Variants in SPAG16 observed in about 807,000 individuals in gnomAD.
SPAG16 encodes sperm-associated antigen 16 protein.
In SPAG16, 86 loss-of-function variants were observed where a neutral mutation model predicts 80.4. The observed-to-expected ratio is 1.07, with a 90% CI of 0.90 to 1.28. SPAG16 has a LOEUF of 1.28. SPAG16 is among the 50% of genes most tolerant of loss of function. SPAG16 has a pLI of 0.00. For missense variants in SPAG16, 870 were observed against 765.3 expected (o/e 1.14, Z -1.61); for synonymous variants, 294 against 265.9 (o/e 1.11, Z -1.03).
intron 13 of SPAG16, among the ~76,000 whole-genome samples, chr2:214,045,651 C>T (rs1052194083): frequency 6.6e-6 from 1 of 152,058 alleles, no homozygotes; most frequent in Admixed American, 6.6e-5. Context: ...TTAAAATTTT[C>T]TTGAAACAAA....
intron 12 of SPAG16, among the ~76,000 whole-genome samples, chr2:213,970,791 G>A (rs2045004051): frequency 6.6e-6 from 1 of 152,016 alleles, no homozygotes; most frequent in Non-Finnish European, 1.5e-5. Flanking sequence ...CATAAAGAGT[G>A]AATGCAAAAT....
chr2:213,384,475 G>A (rs988727178), intron 9 of SPAG16, among the ~76,000 whole-genome samples: 1 of 152,166 alleles, frequency 6.6e-6, no homozygotes, highest in African/African-American at 2.4e-5. Context: ...ATCTAAGATG[G>A]TGGAGGGTGA....
At position 214,219,596 on chromosome 2, in the gene SPAG16, A is replaced by C. The variant is rs529334014; in HGVS notation, c.1720+70330A>C. Among the ~76,000 whole-genome samples, 4 of 152,288 alleles carry C rather than the reference A, an allele frequency of 2.6e-5. No homozygotes were observed. In the South Asian group the frequency reaches 8.3e-4, roughly 32 times the overall value. ...CAAGAAGAAGAAACAAAACAAGATAATTTATTGAGTACCTGCTCTGTGCCA... is the reference window on the plus strand; with the variant it reads ...CAAGAAGAAGAAACAAAACAAGATACTTTATTGAGTACCTGCTCTGTGCCA... On this transcript the variant is annotated intron_variant, in intron 15 of 15. Transcript: ENST00000331683.
chr2:213,406,791 C>G (rs532860991), intron 9 of SPAG16, among the ~76,000 whole-genome samples: 2 of 152,166 alleles, frequency 1.3e-5, no homozygotes, highest in South Asian at 2.1e-4. Flanking sequence ...AATTTGGGGT[C>G]TCTCCCGGGA....
chr2:213,330,076 C>A (rs1253580450), intron 5 of SPAG16, among the ~76,000 whole-genome samples: 2 of 152,202 alleles, frequency 1.3e-5, no homozygotes, highest in East Asian at 3.9e-4. Flanking sequence ...GATGCCCAGG[C>A]AGAAGTTTGC....
intron 13 of SPAG16, among the ~76,000 whole-genome samples, chr2:214,097,331 GTTTT>G (rs151241028): frequency 0.014 from 2,056 of 152,140 alleles, 40 homozygotes; most frequent in African/African-American, 0.046. Context: ...TAATTTCAGT[GTTTT>G]ATTTAGATAA....
At chr2:213,820,191 C>G (rs1180750759) in intron 10 of SPAG16, among the ~76,000 whole-genome samples, 3 of 152,076 alleles carry the variant, frequency 2.0e-5, no homozygotes, top group African/African-American at 7.2e-5. Flanking sequence ...CTCCTACTTC[C>G]AGCCTCCCAA....
intron 10 of SPAG16, among the ~76,000 whole-genome samples, chr2:213,670,412 A>G (rs2063774652): frequency 6.6e-6 from 1 of 152,130 alleles, no homozygotes; most frequent in African/African-American, 2.4e-5. Flanking sequence ...AATTAACCTC[A>G]TATCACAAAC....
chr2:213,414,059 T>C (rs2069126572), intron 9 of SPAG16, among the ~76,000 whole-genome samples: 1 of 152,222 alleles, frequency 6.6e-6, no homozygotes, highest in Admixed American at 6.5e-5. Flanking sequence ...TTCATTTATG[T>C]TTCTTCAAAG....
chr2:214,108,346 G>C (rs2053485493), intron 14 of SPAG16, 85 bp downstream of exon 14: 2 of 1,124,086 alleles, frequency 1.8e-6, no homozygotes, highest in Non-Finnish European at 2.6e-6. Context: ...AAGCTAAAAT[G>C]GTAAGTTAAT....
At chr2:214,037,807 T>C (rs1239416179) in intron 13 of SPAG16, among the ~76,000 whole-genome samples, 2 of 151,994 alleles carry the variant, frequency 1.3e-5, no homozygotes, top group Non-Finnish European at 2.9e-5. Context: ...CAAAGTTTAA[T>C]ATTAACTTTG....
intron 10 of SPAG16, among the ~76,000 whole-genome samples, chr2:213,544,749 A>G (rs1055280198): frequency 6.6e-6 from 1 of 152,052 alleles, no homozygotes; most frequent in Admixed American, 6.6e-5. Context: ...TTTTTCTAAC[A>G]TGTCATGTAG....
intron 10 of SPAG16, among the ~76,000 whole-genome samples, chr2:213,774,455 A>T (rs565959657): frequency 6.6e-6 from 1 of 152,274 alleles, no homozygotes; most frequent in African/African-American, 2.4e-5. Context: ...GCATGTGGTC[A>T]TCTTCTTTTA....
intron 10 of SPAG16, among the ~76,000 whole-genome samples, chr2:213,543,520 C>T (rs536657600): frequency 6.6e-6 from 1 of 151,838 alleles, no homozygotes; most frequent in Admixed American, 6.6e-5. Context: ...TCTAGTACAT[C>T]GTAATTTATT....
intron 15 of SPAG16, among the ~76,000 whole-genome samples, chr2:214,235,492 G>A (rs935066697): frequency 4.6e-5 from 7 of 151,918 alleles, no homozygotes; most frequent in East Asian, 3.9e-4. Flanking sequence ...CTTGTCCTTC[G>A]AGCATTGAGA....
intron 9 of SPAG16, among the ~76,000 whole-genome samples, chr2:213,447,747 T>C (rs2071420055): frequency 6.6e-6 from 1 of 152,228 alleles, no homozygotes. Context: ...TAGCAAACTT[T>C]GGACGAATAA....
At chr2:213,824,645 CT>C (rs1211095681) in intron 10 of SPAG16, among the ~76,000 whole-genome samples, 2 of 152,030 alleles carry the variant, frequency 1.3e-5, no homozygotes, top group Non-Finnish European at 2.9e-5. Flanking sequence ...TACTTTAGGT[CT>C]GTAGTATAGT....
At chr2:213,935,852 T>A (rs1027457869) in intron 12 of SPAG16, among the ~76,000 whole-genome samples, 7 of 152,212 alleles carry the variant, frequency 4.6e-5, no homozygotes, top group African/African-American at 1.7e-4. Context: ...GTTCTATGCC[T>A]TATTCTAGTT....
At chr2:214,309,081 A>G in intron 15 of SPAG16, among the ~76,000 whole-genome samples, 1 of 151,396 alleles carries the variant, frequency 6.6e-6, no homozygotes, top group East Asian at 1.9e-4. Context: ...GGTTTTGTTC[A>G]TTCCTTTTCA....
Sources: allele counts gnomAD v4.1 joint callset (sites outside exome capture counted in the v4.1 genomes callset), GRCh38; gene constraint gnomAD v4.1.1; transcripts MANE v1.5; gene names NCBI Gene and HGNC (gene_info 2026-07-23, HGNC 2026-07-21).